AP3D1: variants seen among roughly 807,000 people sequenced by gnomAD.
AP3D1 encodes adaptor related protein complex 3 subunit delta 1.
A neutral mutation model predicts 147.6 loss-of-function variants in AP3D1; 51 were observed. The ratio of observed to expected loss-of-function variants is 0.35; its 90% CI spans 0.28 to 0.44. The LOEUF is 0.44. AP3D1 is among the 20% of genes least tolerant of loss of function. The probability of loss-of-function intolerance (pLI) is 1.00; values close to 1 mark genes in which losing one functional copy is unlikely to be tolerated. For synonymous variants in AP3D1, 760 were observed against 663.0 expected (o/e 1.15, Z -2.25); for missense variants, 1,421 against 1,624.2 (o/e 0.87, Z 2.15).
chr19:2,111,574 C>T (rs1327815747), intron 25 of AP3D1, 105 bp downstream of exon 25: 24 of 1,416,028 alleles, frequency 1.7e-5, no homozygotes, highest in Admixed American at 2.3e-5. Context: ...GGCTTCTTCT[C>T]GAATCTGCTC....
At position 2,116,667 on chromosome 19, in the gene AP3D1, C is replaced by A. The variant is rs751036458; in HGVS notation, c.1939G>T (p.Glu647Ter). The A allele has an allele frequency of 1.2e-6, 2 of 1,607,440 alleles. No individual in the cohort carries two copies. Among genetic ancestry groups the A allele is most frequent in the Non-Finnish European group, 8.5e-7 (1 of 1,177,338 alleles). ...EDERPRAVFH[E>*]EEQRRPKHRP... ...TGCTTGGGACGCCGCTGCTCCTCCT[C>A]GTGGAAGACGGCCCTGGGCCTCTCG... is the stretch of plus-strand genomic sequence containing the variant. Residue 647 changes from glutamate (E) to a stop codon, truncating the protein, a stop_gained, in exon 17 of 32, where the codon GAG becomes TAG. Transcript: ENST00000643116. LOFTEE classifies it high-confidence loss of function.
chr19:2,134,600 G>C (rs1417751412), intron 4 of AP3D1, among the ~76,000 whole-genome samples: 1 of 149,090 alleles, frequency 6.7e-6, no homozygotes, highest in Non-Finnish European at 1.5e-5. Flanking sequence ...AAAAAAGAAA[G>C]AAAATAATTT....
At chr19:2,157,730 C>G (rs760511757) in intron 1 of AP3D1, among the ~76,000 whole-genome samples, 6 of 151,990 alleles carry the variant, frequency 3.9e-5, no homozygotes, top group Non-Finnish European at 7.4e-5. Flanking sequence ...CCCACCCATC[C>G]ACCCATCCAT....
In AP3D1 at chr19:2,101,915, G is replaced by A. The variant is rs1197841083; in HGVS notation, c.*258C>T. ...AGCGCGGGGCAGGGCACAGACCCAG[G>A]TGGGGGAGTCCCTTGCTGGTTTGGG... On this transcript the variant is annotated 3_prime_UTR_variant, in exon 32 of 32. Coordinates refer to ENST00000643116, the MANE Select transcript of AP3D1 (RefSeq NM_001261826.3). 4.1e-6 allele frequency: 2 copies of A among 486,166 alleles called. No individual in the cohort carries two copies. The highest frequency in any genetic ancestry group is 7.4e-6 in the Non-Finnish European group (2 of 269,668). The allele number at this position is 486,166 out of a possible 1,614,324, so 30.1% of individuals were successfully genotyped here.
chr19:2,125,679 G>A (rs1224311286), intron 9 of AP3D1, among the ~76,000 whole-genome samples: 3 of 152,090 alleles, frequency 2.0e-5, no homozygotes, highest in Non-Finnish European at 2.9e-5. Flanking sequence ...TAGGTGTATA[G>A]ATTACCCAGG....
chr19:2,143,948 T>C (rs1162185568), intron 1 of AP3D1, among the ~76,000 whole-genome samples: 1 of 150,948 alleles, frequency 6.6e-6, no homozygotes, highest in Non-Finnish European at 1.5e-5. Flanking sequence ...TTAGCCGGGG[T>C]GGTGGCTCGC....
At chr19:2,118,028 C>T (rs915865383) in intron 15 of AP3D1, among the ~76,000 whole-genome samples, 4 of 152,198 alleles carry the variant, frequency 2.6e-5, no homozygotes, top group Non-Finnish European at 5.9e-5. Context: ...GGCGTGGTGG[C>T]GGGTACCTAT....
At chr19:2,163,702 G>C (rs997516969) in intron 1 of AP3D1, among the ~76,000 whole-genome samples, 1 of 151,990 alleles carries the variant, frequency 6.6e-6, no homozygotes, top group Non-Finnish European at 1.5e-5. Flanking sequence ...GTCTCCCCGG[G>C]TCCCCGCTTC....
intron 5 of AP3D1, among the ~76,000 whole-genome samples, chr19:2,131,658 A>G (rs2145118178): frequency 1.1e-5 from 1 of 88,528 alleles, no homozygotes; most frequent in South Asian, 3.2e-4. Flanking sequence ...CCAGGCGGAC[A>G]GGCAGCCACG....
intron 12 of AP3D1, 134 bp from the exon 13 acceptor site, chr19:2,121,445 AGG>A: frequency 8.1e-7 from 1 of 1,231,272 alleles, no homozygotes; most frequent in Non-Finnish European, 1.1e-6. Flanking sequence ...GATGCCAGGG[AGG>A]CAGCAGGCCC....
intron 15 of AP3D1, among the ~76,000 whole-genome samples, 192 bp from the exon 16 acceptor site, chr19:2,117,559 C>T (rs542094821): frequency 6.6e-6 from 1 of 152,350 alleles, no homozygotes; most frequent in Admixed American, 6.5e-5. Flanking sequence ...CAGAAACAGA[C>T]CAGTCCGGAA....
chr19:2,149,798 C>T (rs1568310650), intron 1 of AP3D1, among the ~76,000 whole-genome samples: 4 of 152,158 alleles, frequency 2.6e-5, no homozygotes, highest in East Asian at 1.9e-4. Flanking sequence ...GGAGCAGGGA[C>T]GGGCGCTGGG....
chr19:2,108,966 C>G, intron 30 of AP3D1, 120 bp downstream of exon 30: 1 of 1,502,704 alleles, frequency 6.7e-7, no homozygotes, highest in Non-Finnish European at 9.0e-7. Context: ...CACCAGCCAC[C>G]CGGGATCCCA....
At chr19:2,106,710 G>C (rs150511295) in intron 31 of AP3D1, among the ~76,000 whole-genome samples, 2 of 152,164 alleles carry the variant, frequency 1.3e-5, no homozygotes, top group Non-Finnish European at 2.9e-5. Context: ...AACAAAATAT[G>C]ATTCTGCTGT....
chr19:2,103,949 A>AT (rs1346006641), intron 31 of AP3D1, among the ~76,000 whole-genome samples: 1 of 152,074 alleles, frequency 6.6e-6, no homozygotes, highest in Admixed American at 6.5e-5. Context: ...CAAGGCACCA[A>AT]TGCCAAGGCC....
At chr19:2,137,840 A>G (rs1308762202) in intron 2 of AP3D1, 33 bp from the exon 3 acceptor site, 2 of 1,605,064 alleles carry the variant, frequency 1.2e-6, no homozygotes, top group African/African-American at 1.3e-5. Flanking sequence ...TTGCACTCAC[A>G]AGCCAAAGCA....
intron 31 of AP3D1, among the ~76,000 whole-genome samples, chr19:2,104,678 T>G (rs1423636552): frequency 6.7e-6 from 1 of 149,784 alleles, no homozygotes; most frequent in Non-Finnish European, 1.5e-5. Context: ...TTTTTTTTTT[T>G]TTTTTTTTTT....
At chr19:2,110,358 AG>A (rs764091654) in intron 27 of AP3D1, 134 bp from the exon 28 acceptor site, 1 of 757,888 alleles carries the variant, frequency 1.3e-6, no homozygotes, top group Non-Finnish European at 2.2e-6. Context: ...AGGGAGCACC[AG>A]GGGACAGGAG....
rs2017954414 is a variant in AP3D1, at chr19:2,101,596, C to A, written c.*577G>T. ...CCCGCCCTGCCCACAGCCTGGCTGG[C>A]GCGTGGCCTGGGATCCCAAGACCCA... On this transcript the variant is annotated 3_prime_UTR_variant, in exon 32 of 32. Coordinates refer to ENST00000643116, the MANE Select transcript of AP3D1 (RefSeq NM_001261826.3). The A allele has an allele frequency of 6.6e-6, 1 of 152,492 alleles. No individual in the cohort carries two copies. Among genetic ancestry groups the A allele is most frequent in the Non-Finnish European group, 1.5e-5 (1 of 68,190 alleles). The allele number at this position is 152,492 out of a possible 1,614,324, so 9.4% of individuals were successfully genotyped here.
Sources: gnomAD v4.1 joint callset for allele counts (sites outside exome capture counted in the v4.1 genomes callset) on GRCh38, gnomAD v4.1.1 for gene constraint, MANE v1.5 for transcripts, NCBI Gene and HGNC (gene_info 2026-07-23, HGNC 2026-07-21) for gene names.